The following GGT5 variants were observed in gnomAD, a reference collection of about 807,000 sequenced individuals.
GGT5 encodes the protein glutathione hydrolase 5 proenzyme.
A neutral mutation model predicts 58.1 loss-of-function variants in GGT5; 50 were observed. The ratio of observed to expected loss-of-function variants is 0.86; its 90% CI spans 0.69 to 1.09. The LOEUF (loss-of-function observed/expected upper bound fraction) is 1.09, where lower values mean the gene tolerates loss of function less well. Ranked by LOEUF, GGT5 falls within the 50% of genes least tolerant of loss-of-function variation. The pLI is 0.00. For missense variants in GGT5, 800 were observed against 789.4 expected (o/e 1.01, Z -0.16); for synonymous variants, 370 against 346.1 (o/e 1.07, Z -0.77).
At chr22:24,234,125 C>T (rs2275985) in intron 1 of GGT5, 121 bp from the exon 2 acceptor site, 23 of 909,794 alleles carry the variant, frequency 2.5e-5, no homozygotes, top group Non-Finnish European at 3.3e-5. Context: ...GCCACCAAAC[C>T]GCAGATTAGG....
intron 11 of GGT5, 42 bp downstream of exon 11, chr22:24,224,954 G>T: frequency 7.6e-7 from 1 of 1,320,828 alleles, no homozygotes; most frequent in Non-Finnish European, 1.1e-6. Flanking sequence ...GATTTGGGGA[G>T]TGGGCTCTGC....
At position 24,233,492 on chromosome 22, in the gene GGT5, C is replaced by T. The variant is rs557771881; in HGVS notation, c.400+6G>A. On this transcript the variant is annotated splice_donor_region_variant and intron_variant, in intron 3 of 11. Transcript: ENST00000327365. ...GTGGGAGTGGGGGACCTCCATGGGGCGTCACCTGTGCCCAGTGGCAGAGCC... is the reference window on the plus strand; with the variant it reads ...GTGGGAGTGGGGGACCTCCATGGGGTGTCACCTGTGCCCAGTGGCAGAGCC... The T allele has an allele frequency of 3.2e-5, 50 of 1,564,692 alleles. 1 individual carries two copies. The African/African-American group carries it at 3.7e-4, about 11-fold the overall frequency.
chr22:24,228,081 A>AAAAAAAAAC (rs2047829885), intron 6 of GGT5, among the ~76,000 whole-genome samples: 5 of 147,072 alleles, frequency 3.4e-5, no homozygotes, highest in African/African-American at 1.3e-4. Flanking sequence ...ACAAAAAAAA[A>AAAAAAAAAC]AAAACTCTGA....
At position 24,232,139 on chromosome 22, in the gene GGT5, G is replaced by T. The variant is rs1489540690; in HGVS notation, c.666C>A (p.Thr222=). 1 of 1,602,178 alleles carries T rather than the reference G, an allele frequency of 6.2e-7. No homozygotes were observed. Among genetic ancestry groups the T allele is most frequent in the South Asian group, 1.1e-5 (1 of 89,824 alleles). Residue 222 remains threonine, a synonymous_variant, in exon 5 of 12, where the codon ACC becomes ACA. Coordinates refer to ENST00000327365, the MANE Select transcript of GGT5 (RefSeq NM_004121.5). Reference sequence around the variant, plus strand: ...CCTCTGTGGCCACGGTCTCCAGGGTGGTGGCCAGTGCAGGCCATGGGAGTG... The same window carrying T: ...CCTCTGTGGCCACGGTCTCCAGGGTTGTGGCCAGTGCAGGCCATGGGAGTG... ...QDPLPWPALA[T]TLETVATEGV... is the part of the protein sequence containing the mutation.
At chr22:24,231,952 C>T (rs1170814556) in intron 5 of GGT5, 99 bp downstream of exon 5, 1 of 1,020,730 alleles carries the variant, frequency 9.8e-7, no homozygotes, top group Non-Finnish European at 1.5e-6. Context: ...TGCCTGCACT[C>T]CCTCAGGGCC....
rs1206367824 is a variant in GGT5 at position 24,244,554 on chromosome 22, G to A, written c.172C>T (p.Arg58Ter). ...ADSKVCSDIG[R>*]AILQQQGSPV... ...AGCTTCCTCCCACGTCTCACTCACCGTCCAATATCCGAGCAGACCTTGGAG... is the reference window on the plus strand; with the variant it reads ...AGCTTCCTCCCACGTCTCACTCACCATCCAATATCCGAGCAGACCTTGGAG... The change falls in exon 1 of 12, where the codon CGA (arginine) becomes TGA (stop). Residue 58 changes from arginine (R) to a stop codon, truncating the protein, a stop_gained and splice_region_variant. Transcript: ENST00000327365. LOFTEE classifies it high-confidence loss of function. 12 of 1,610,746 alleles carry A rather than the reference G, an allele frequency of 7.4e-6. No individual in the cohort carries two copies. Among genetic ancestry groups the A allele is most frequent in the African/African-American group, 1.3e-5 (1 of 74,812 alleles).
intron 11 of GGT5, among the ~76,000 whole-genome samples, chr22:24,222,284 G>T (rs895935906): frequency 1.3e-5 from 2 of 152,212 alleles, no homozygotes; most frequent in East Asian, 1.9e-4. Context: ...TAGATGCATC[G>T]GGTGATGCCA....
At chr22:24,228,073 A>AAAAC (rs1569358960) in intron 6 of GGT5, among the ~76,000 whole-genome samples, 1 of 86,046 alleles carries the variant, frequency 1.2e-5, no homozygotes, top group Non-Finnish European at 2.5e-5. Flanking sequence ...AAAACAAAAC[A>AAAAC]AAAAAAAAAA....
intron 1 of GGT5, among the ~76,000 whole-genome samples, chr22:24,238,958 A>AT (rs1337851689): frequency 4.1e-5 from 1 of 24,306 alleles, no homozygotes; most frequent in South Asian, 1.4e-3. Context: ...ATATATATAT[A>AT]ATATATATAT....
At chr22:24,231,323 T>TC (rs2047930030) in intron 6 of GGT5, 61 bp downstream of exon 6, 7 of 1,176,300 alleles carry the variant, frequency 6.0e-6, no homozygotes, top group African/African-American at 3.8e-5. Context: ...GAGTCTGAGT[T>TC]CCCGGGGGCC....
Position 24,244,563 on chromosome 22 carries a change from C to G in GGT5, c.163G>C (p.Asp55His). Residue 55 changes from aspartate to histidine, a missense_variant, in exon 1 of 12, where the codon GAT becomes CAT. Physicochemically the swap from Asp to His is moderately conservative, Grantham distance 81. Coordinates refer to ENST00000327365, the MANE Select transcript of GGT5 (RefSeq NM_004121.5). ...CCACGTCTCACTCACCGTCCAATAT[C>G]CGAGCAGACCTTGGAGTCGGCGGCA... ...AVAADSKVCS[D>H]IGRAILQQQG... is the part of the protein sequence containing the mutation. The G allele has an allele frequency of 7.4e-6, 12 of 1,611,844 alleles. No individual in the cohort carries two copies. Among genetic ancestry groups the G allele is most frequent in the Non-Finnish European group, 1.0e-5 (12 of 1,179,616 alleles).
intron 1 of GGT5, among the ~76,000 whole-genome samples, chr22:24,238,864 TAA>T (rs1491205725): frequency 7.1e-4 from 7 of 9,812 alleles, no homozygotes; most frequent in African/African-American, 4.3e-3. Flanking sequence ...ATTATATATA[TAA>T]TATATATAAT....
Position 24,228,048 on chromosome 22 carries a change from CA to C in GGT5, c.902-1282del, listed in dbSNP as rs1273239063. Among the ~76,000 whole-genome samples, 64 of 22,064 alleles carry C rather than the reference CA, an allele frequency of 2.9e-3. 1 individual carries two copies. Among genetic ancestry groups the C allele is most frequent in the African/African-American group, 4.8e-3 (32 of 6,606 alleles). The allele number at this position is 22,064 out of a possible 152,430, so 14.5% of individuals were successfully genotyped here. On this transcript the variant is annotated intron_variant, in intron 6 of 11. Transcript: ENST00000327365. ...TAGTAAACAGAGCAAGACTCTGTCT[CA>C]AAAAAAAAAAAAAAAAACAAAACAA...
At chr22:24,231,640 G>A in intron 5 of GGT5, 110 bp from the exon 6 acceptor site, 1 of 1,141,910 alleles carries the variant, frequency 8.8e-7, no homozygotes, top group South Asian at 1.5e-5. Context: ...TTTGCCTTGT[G>A]GACACAGGAT....
chr22:24,222,888 T>C (rs55870750), intron 11 of GGT5, among the ~76,000 whole-genome samples: 5,186 of 151,226 alleles, frequency 0.034, 107 homozygotes, highest in Middle Eastern at 0.055. Context: ...CCATCCTGGC[T>C]AACACGGTGA....
chr22:24,226,283 G>A lies in GGT5; in HGVS notation c.1039-17C>T, dbSNP rs1005723452. On this transcript the variant is annotated splice_polypyrimidine_tract_variant and intron_variant, in intron 7 of 11. Transcript: ENST00000327365. ...GGAGGCATTCTGGGGTGGGTGGGCAGGTGGCAGGGTCAGTGAGGGGCCAGG... is the reference window on the plus strand; with the variant it reads ...GGAGGCATTCTGGGGTGGGTGGGCAAGTGGCAGGGTCAGTGAGGGGCCAGG... 5.7e-6 allele frequency: 9 copies of A among 1,579,768 alleles called. No individual in the cohort carries two copies. The highest frequency in any genetic ancestry group is 6.9e-6 in the Non-Finnish European group (8 of 1,164,866).
intron 3 of GGT5, among the ~76,000 whole-genome samples, 179 bp downstream of exon 3, chr22:24,233,319 T>C (rs879267460): frequency 6.6e-6 from 1 of 152,160 alleles, no homozygotes; most frequent in Admixed American, 6.5e-5. Context: ...AGAGAGCCCG[T>C]TCCCAAGGGG....
chr22:24,230,626 T>G (rs1779209758), intron 6 of GGT5, among the ~76,000 whole-genome samples: 1 of 152,138 alleles, frequency 6.6e-6, no homozygotes, highest in Non-Finnish European at 1.5e-5. Context: ...TATCATTGAT[T>G]GTAAACAAAA....
Position 24,245,005 on chromosome 22 carries a change from G to A in GGT5, c.-280C>T, listed in dbSNP as rs2048436802. On this transcript the variant is annotated 5_prime_UTR_variant, in exon 1 of 12. Coordinates refer to ENST00000327365, the MANE Select transcript of GGT5 (RefSeq NM_004121.5). Reference sequence around the variant, plus strand: ...GGTCTGAACAGCGGGCTGCCAGATGGACAGATGGGTGAATGGACAGATGGC... The same window carrying A: ...GGTCTGAACAGCGGGCTGCCAGATGAACAGATGGGTGAATGGACAGATGGC... 11 of 464,356 alleles carry A rather than the reference G, an allele frequency of 2.4e-5. 1 individual carries two copies. In the South Asian group the frequency reaches 3.4e-4, roughly 14 times the overall value. The allele number at this position is 464,356 out of a possible 1,614,324, so 28.8% of individuals were successfully genotyped here.
Sources: gnomAD v4.1 joint callset for allele counts (sites outside exome capture counted in the v4.1 genomes callset) on GRCh38, gnomAD v4.1.1 for gene constraint, MANE v1.5 for transcripts, NCBI Gene and HGNC (gene_info 2026-07-23, HGNC 2026-07-21) for gene names.